The following STYXL2 variants were observed in gnomAD, a reference collection of about 807,000 sequenced individuals.
The protein encoded by STYXL2 is serine/threonine/tyrosine interacting like 2.
STYXL2 carries 44 observed loss-of-function variants against 52.4 expected under a neutral mutation model. That is an observed-to-expected ratio of 0.84 (90% CI 0.66 to 1.08). The LOEUF (loss-of-function observed/expected upper bound fraction) is 1.08, where lower values mean the gene tolerates loss of function less well. Among genes scored for constraint, STYXL2 ranks in the 50% least tolerant of loss-of-function variants. The probability of loss-of-function intolerance (pLI) is 0.00; values close to 1 mark genes in which losing one functional copy is unlikely to be tolerated. For synonymous variants in STYXL2, 604 were observed against 586.9 expected, an observed-to-expected ratio of 1.03 and a Z score of -0.42; for missense variants, 1,604 against 1,471.7, an observed-to-expected ratio of 1.09 and a Z score of -1.47.
intron 5 of STYXL2, among the ~76,000 whole-genome samples, chr1:167,124,746 A>T (rs576864267): frequency 6.6e-6 from 1 of 152,382 alleles, no homozygotes; most frequent in Admixed American, 6.5e-5. Flanking sequence ...AGTTTTTAAA[A>T]AACGTTTTAC....
chr1:167,120,658 T>A (rs928626952), intron 5 of STYXL2, among the ~76,000 whole-genome samples: 3 of 151,860 alleles, frequency 2.0e-5, no homozygotes, highest in Non-Finnish European at 4.4e-5. Context: ...AGAGACAGGA[T>A]GCAGCTCTGT....
intron 2 of STYXL2, among the ~76,000 whole-genome samples, chr1:167,105,945 A>G (rs1157633776): frequency 6.6e-6 from 1 of 152,170 alleles, no homozygotes; most frequent in Non-Finnish European, 1.5e-5. Context: ...CAGCTTCTCA[A>G]GAGTATACCG....
chr1:167,119,509 G>T, intron 5 of STYXL2, 43 bp downstream of exon 5: 1 of 1,564,200 alleles, frequency 6.4e-7, no homozygotes. Flanking sequence ...ATTCCACGGG[G>T]GAAAAGTAAT....
At chr1:167,111,530 A>ACAC (rs71073638) in intron 2 of STYXL2, among the ~76,000 whole-genome samples, 2 of 139,418 alleles carry the variant, frequency 1.4e-5, no homozygotes, top group Admixed American at 7.2e-5. Context: ...ACACACACAC[A>ACAC]AATATATATA....
chr1:167,106,976 T>A (rs968018745), intron 2 of STYXL2, among the ~76,000 whole-genome samples: 4 of 152,212 alleles, frequency 2.6e-5, no homozygotes, highest in Admixed American at 1.3e-4. Context: ...AATAATTTCA[T>A]TTTGCTCCCC....
chr1:167,128,459 G>A lies in STYXL2; in HGVS notation c.3328G>A (p.Gly1110Arg). Reference sequence around the variant, plus strand: ...AGAGAGGACAGAAAACAGAGAAGAAGGGAGGTTTGCATCTGGACGGCGGTC... The same window carrying A: ...AGAGAGGACAGAAAACAGAGAAGAAAGGAGGTTTGCATCTGGACGGCGGTC... ...EKERTENREEGRFASGRRSQY... is the reference protein window; with the variant it reads ...EKERTENREERRFASGRRSQY... Residue 1110 changes from glycine to arginine, a missense_variant, in exon 6 of 6, where the codon GGG (glycine) becomes AGG (arginine). Coordinates refer to ENST00000361200, the MANE Select transcript of STYXL2 (RefSeq NM_001080426.3). 6.2e-7 allele frequency: 1 copy of A among 1,614,058 alleles called. No individual in the cohort carries two copies. Among genetic ancestry groups the A allele is most frequent in the Non-Finnish European group, 8.5e-7 (1 of 1,179,984 alleles).
chr1:167,115,757 C>G (rs1222441226), intron 3 of STYXL2, among the ~76,000 whole-genome samples: 1 of 152,092 alleles, frequency 6.6e-6, no homozygotes, highest in Admixed American at 6.6e-5. Flanking sequence ...CAAAATAGAG[C>G]TCTGGGATTG....
chr1:167,113,065 T>G (rs1293339834), intron 2 of STYXL2, among the ~76,000 whole-genome samples: 1 of 152,168 alleles, frequency 6.6e-6, no homozygotes, highest in Non-Finnish European at 1.5e-5. Flanking sequence ...CACCGAATTA[T>G]TTTTGGGAAA....
chr1:167,109,493 A>G (rs1362016682), intron 2 of STYXL2, among the ~76,000 whole-genome samples: 2 of 152,120 alleles, frequency 1.3e-5, no homozygotes, highest in Non-Finnish European at 2.9e-5. Context: ...CTTTGGCCTG[A>G]GAACCACACC....
At chr1:167,099,178 A>G (rs2102221091) in intron 2 of STYXL2, among the ~76,000 whole-genome samples, 1 of 152,344 alleles carries the variant, frequency 6.6e-6, no homozygotes, top group Non-Finnish European at 1.5e-5. Flanking sequence ...TATAAGGCAA[A>G]AAACTGACAG....
intron 2 of STYXL2, among the ~76,000 whole-genome samples, chr1:167,108,117 A>T (rs1408448765): frequency 6.6e-6 from 1 of 152,102 alleles, no homozygotes; most frequent in East Asian, 1.9e-4. Flanking sequence ...ATCAGGTTTG[A>T]TCCCCTAGGT....
intron 4 of STYXL2, among the ~76,000 whole-genome samples, chr1:167,117,981 A>G (rs1667764689): frequency 6.6e-6 from 1 of 152,256 alleles, no homozygotes; most frequent in Admixed American, 6.5e-5. Context: ...GAATTAGATT[A>G]CAAGAGAAGA....
rs767721446 is a variant in STYXL2, at chr1:167,128,287, A to G, written c.3156A>G (p.Glu1052=). Residue 1052 remains glutamate (E), a synonymous_variant, in exon 6 of 6, where the codon GAA becomes GAG. Coordinates refer to ENST00000361200, the MANE Select transcript of STYXL2 (RefSeq NM_001080426.3). ...FRRTPESSER[E]ESPEPQRPNW... is the part of the protein sequence containing the mutation. ...GGACCCCAGAGTCCTCAGAAAGGGA[A>G]GAGTCCCCAGAACCACAGCGCCCAA... The G allele has an allele frequency of 6.2e-7, 1 of 1,614,172 alleles. No homozygotes were observed. Among genetic ancestry groups the G allele is most frequent in the Non-Finnish European group, 8.5e-7 (1 of 1,180,010 alleles).
Position 167,127,230 on chromosome 1 carries a change from C to T in STYXL2, c.2099C>T (p.Thr700Ile). 6.2e-7 allele frequency: 1 copy of T among 1,614,184 alleles called. No individual in the cohort carries two copies. Among genetic ancestry groups the T allele is most frequent in the South Asian group, 1.1e-5 (1 of 91,078 alleles). Residue 700 changes from threonine to isoleucine, a missense_variant, in exon 6 of 6, where the codon ACC (threonine) becomes ATC (isoleucine). Physicochemically the swap from Thr to Ile is moderately conservative, Grantham distance 89. Coordinates refer to ENST00000361200, the MANE Select transcript of STYXL2 (RefSeq NM_001080426.3). ...QAASNIAGCS[T>I]SNPTTPLPNL... ...GCAAGCAACATAGCGGGGTGTTCAA[C>T]CTCCAACCCCACCACACCCCTGCCT...
At position 167,128,809 on chromosome 1, in the gene STYXL2, A is replaced by G. The variant is rs1033584188; in HGVS notation, c.*201A>G. The G allele has an allele frequency of 1.2e-6, 1 of 802,482 alleles. No homozygotes were observed. The highest frequency in any genetic ancestry group is 2.1e-5 in the African/African-American group (1 of 48,554). The allele number at this position is 802,482 out of a possible 1,614,324, so 49.7% of individuals were successfully genotyped here. ...AGGAGGGGGAGAACCATCAATACGAATACGAGGTCCGAATGCGGACCAACT... is the reference window on the plus strand; with the variant it reads ...AGGAGGGGGAGAACCATCAATACGAGTACGAGGTCCGAATGCGGACCAACT... On this transcript the variant is annotated 3_prime_UTR_variant, in exon 6 of 6. Transcript: ENST00000361200.
intron 5 of STYXL2, among the ~76,000 whole-genome samples, chr1:167,122,072 G>A (rs1337033721): frequency 6.6e-6 from 1 of 152,130 alleles, no homozygotes; most frequent in Non-Finnish European, 1.5e-5. Context: ...CTATGAGGGG[G>A]TGTTGTTATT....
At chr1:167,096,090 T>G (rs1273430981) in intron 2 of STYXL2, among the ~76,000 whole-genome samples, 1 of 152,028 alleles carries the variant, frequency 6.6e-6, no homozygotes, top group Non-Finnish European at 1.5e-5. Flanking sequence ...AAACCCCATC[T>G]CTACTAAAAA....
rs541603498 is a variant in STYXL2, at chr1:167,125,938, G to A, written c.807G>A (p.Lys269=). The A allele has an allele frequency of 6.2e-7, 1 of 1,614,058 alleles. No homozygotes were observed. The highest frequency in any genetic ancestry group is 1.3e-5 in the African/African-American group (1 of 75,054). Residue 269 remains lysine (K), a synonymous_variant, in exon 6 of 6, where the codon AAG becomes AAA. Transcript: ENST00000361200. ...TCTACCCCAATGAGGGCTTCCTGAA[G>A]CAGCTGCGGGAGCTCAATGAGAAGT... ...RAIYPNEGFL[K]QLRELNEKLM... is the part of the protein sequence containing the mutation.
At chr1:167,116,184 A>C (rs1201546024) in intron 3 of STYXL2, among the ~76,000 whole-genome samples, 1 of 152,118 alleles carries the variant, frequency 6.6e-6, no homozygotes, top group African/African-American at 2.4e-5. Context: ...GTTCTTTGTT[A>C]TTTTTGTCTA....
Sources: gnomAD v4.1 joint callset for allele counts (sites outside exome capture counted in the v4.1 genomes callset) on GRCh38, gnomAD v4.1.1 for gene constraint, MANE v1.5 for transcripts, NCBI Gene and HGNC (gene_info 2026-07-23, HGNC 2026-07-21) for gene names.